PTPN13: variants seen among roughly 807,000 people sequenced by gnomAD.
PTPN13 encodes protein tyrosine phosphatase non-receptor type 13.
In PTPN13, 191 loss-of-function variants were observed where a neutral mutation model predicts 284.0. That is an observed-to-expected ratio of 0.67 (90% CI 0.60 to 0.76). The LOEUF (loss-of-function observed/expected upper bound fraction) is 0.76, where lower values mean the gene tolerates loss of function less well. Among genes scored for constraint, PTPN13 ranks in the 30% least tolerant of loss-of-function variants. The pLI, the probability that PTPN13 is intolerant of heterozygous loss-of-function variation, is 0.00. For synonymous variants in PTPN13, 986 were observed against 1,022.3 expected, an observed-to-expected ratio of 0.96 and a Z score of 0.68; for missense variants, 2,797 against 2,939.9, an observed-to-expected ratio of 0.95 and a Z score of 1.12.
intron 14 of PTPN13, among the ~76,000 whole-genome samples, chr4:86,735,109 C>T (rs776580672): frequency 8.6e-5 from 13 of 152,028 alleles, no homozygotes; most frequent in Non-Finnish European, 1.6e-4. Context: ...GGAATATCTA[C>T]CACTTACTCC....
At chr4:86,774,188 G>C (rs1014696645) in intron 32 of PTPN13, among the ~76,000 whole-genome samples, 185 bp from the exon 33 acceptor site, 2 of 152,006 alleles carry the variant, frequency 1.3e-5, no homozygotes, top group Non-Finnish European at 2.9e-5. Flanking sequence ...TGCAGTGGGG[G>C]GACAGTCTGT....
chr4:86,612,020 A>G (rs1719951820), intron 1 of PTPN13, among the ~76,000 whole-genome samples: 1 of 152,240 alleles, frequency 6.6e-6, no homozygotes, highest in Non-Finnish European at 1.5e-5. Flanking sequence ...TGGGTAGAGC[A>G]CACAGAAGAA....
In PTPN13 at chr4:86,767,956, A is replaced by C; in HGVS notation, c.4469A>C (p.Asp1490Ala). The stretch of plus-strand genomic sequence containing the variant: ...GTGAAGAAAACAACTCAGGTCAAAG[A>C]CTACAGCTTTGTCACTGAAGGTCAG... Reference protein sequence around the residue: ...EKVKKTTQVKDYSFVTEENTF... With the variant: ...EKVKKTTQVKAYSFVTEENTF... Residue 1490 changes from aspartate (D) to alanine (A), a missense_variant, in exon 28 of 48, where the codon GAC becomes GCC. By Grantham distance (126) the Asp-to-Ala change is moderately radical. Coordinates refer to ENST00000411767, the MANE Select transcript of PTPN13 (RefSeq NM_080683.3). 6.2e-7 allele frequency: 1 copy of C among 1,611,050 alleles called. No homozygotes were observed. Among genetic ancestry groups the C allele is most frequent in the Non-Finnish European group, 8.5e-7 (1 of 1,178,902 alleles).
intron 4 of PTPN13, among the ~76,000 whole-genome samples, chr4:86,687,212 A>T (rs1474738021): frequency 6.6e-6 from 1 of 152,186 alleles, no homozygotes. Flanking sequence ...AGAGTGTTGT[A>T]TTAGAGAATG....
intron 1 of PTPN13, among the ~76,000 whole-genome samples, chr4:86,618,426 A>C (rs1475878779): frequency 6.6e-6 from 1 of 152,154 alleles, no homozygotes; most frequent in Non-Finnish European, 1.5e-5. Flanking sequence ...TTTTGGTTCC[A>C]TATGAACTTT....
intron 2 of PTPN13, among the ~76,000 whole-genome samples, chr4:86,655,604 G>A (rs1725698098): frequency 6.6e-6 from 1 of 152,196 alleles, no homozygotes; most frequent in South Asian, 2.1e-4. Flanking sequence ...TTTCTGCTGA[G>A]AGATCAGCTG....
chr4:86,757,145 A>T (rs1305510796), intron 20 of PTPN13, among the ~76,000 whole-genome samples: 1 of 150,450 alleles, frequency 6.6e-6, no homozygotes, highest in Non-Finnish European at 1.5e-5. Context: ...TAAGTGTCAT[A>T]TTTATTGGTT....
intron 3 of PTPN13, among the ~76,000 whole-genome samples, chr4:86,676,399 GTGT>G (rs1728278000): frequency 6.6e-6 from 1 of 152,224 alleles, no homozygotes; most frequent in Non-Finnish European, 1.5e-5. Flanking sequence ...GAACCCTTGT[GTGT>G]TGTTGGTGAG....
intron 7 of PTPN13, among the ~76,000 whole-genome samples, chr4:86,711,420 G>A (rs1388388724): frequency 6.6e-6 from 1 of 151,872 alleles, no homozygotes; most frequent in Non-Finnish European, 1.5e-5. Context: ...TAAGTTTTAT[G>A]TGTTTATGTA....
At chr4:86,699,175 C>G (rs1578439725) in intron 6 of PTPN13, among the ~76,000 whole-genome samples, 1 of 152,044 alleles carries the variant, frequency 6.6e-6, no homozygotes, top group African/African-American at 2.4e-5. Flanking sequence ...ATCACGAGGT[C>G]AGGAGATCAA....
intron 3 of PTPN13, among the ~76,000 whole-genome samples, chr4:86,680,307 G>C (rs1056579814): frequency 3.9e-5 from 6 of 151,906 alleles, no homozygotes; most frequent in African/African-American, 1.5e-4. Context: ...GAGCTTCCTT[G>C]ACTCTCATCT....
intron 1 of PTPN13, among the ~76,000 whole-genome samples, chr4:86,619,194 G>A (rs1720939205): frequency 6.6e-6 from 1 of 152,166 alleles, no homozygotes; most frequent in Admixed American, 6.5e-5. Context: ...TCAACCTTAT[G>A]TATGGTGTTC....
chr4:86,799,875 G>A lies in PTPN13; in HGVS notation c.6505+671G>A, dbSNP rs181621300. Among the ~76,000 whole-genome samples the A allele has an allele frequency of 3.5e-3, 419 of 121,334 alleles. 1 individual carries two copies. Among genetic ancestry groups the A allele is most frequent in the African/African-American group, 0.013 (401 of 31,002 alleles). The allele number at this position is 121,334 out of a possible 152,430, so 79.6% of individuals were successfully genotyped here. A position where few individuals can be genotyped will look rare whatever the true frequency, so the allele number is the denominator to read the frequency against. On this transcript the variant is annotated intron_variant, in intron 42 of 47. Coordinates refer to ENST00000411767, the MANE Select transcript of PTPN13 (RefSeq NM_080683.3). ...TTTTGAGACAGAGTCTCTCTCTGTC[G>A]TCCAGGCTGGAGAATACAGTGGCAC...
At chr4:86,653,148 T>C (rs1725297918) in intron 2 of PTPN13, among the ~76,000 whole-genome samples, 1 of 152,134 alleles carries the variant, frequency 6.6e-6, no homozygotes, top group African/African-American at 2.4e-5. Context: ...ATTCCTTCTC[T>C]TGTTTTCTTG....
At chr4:86,814,294 C>T (rs896342820) in intron 47 of PTPN13, among the ~76,000 whole-genome samples, 162 bp from the exon 48 acceptor site, 5 of 151,722 alleles carry the variant, frequency 3.3e-5, no homozygotes, top group East Asian at 1.9e-4. Context: ...TGTGAGCCAC[C>T]GCGCCCAGCC....
At chr4:86,803,282 T>A (rs1744255667) in intron 42 of PTPN13, among the ~76,000 whole-genome samples, 1 of 150,776 alleles carries the variant, frequency 6.6e-6, no homozygotes, top group Non-Finnish European at 1.5e-5. Flanking sequence ...ATATATAAAA[T>A]AAATAAAATA....
Position 86,790,677 on chromosome 4 carries a change from G to A in PTPN13, c.6345+4741G>A, listed in dbSNP as rs77088953. ...CCTTAGAAGGGCTTTGTGGTAGGAA[G>A]AGATGAGTGATTTTGAAGAACTGAA... On this transcript the variant is annotated intron_variant, in intron 40 of 47. Coordinates refer to ENST00000411767, the MANE Select transcript of PTPN13 (RefSeq NM_080683.3). 2.0e-3 allele frequency among the ~76,000 whole-genome samples: 306 copies of A among 152,264 alleles called. 9 individuals are homozygous for A. The East Asian group carries it at 0.057, about 29-fold the overall frequency.
intron 35 of PTPN13, among the ~76,000 whole-genome samples, chr4:86,779,469 A>G (rs1162503402): frequency 6.6e-6 from 1 of 152,138 alleles, no homozygotes; most frequent in Admixed American, 6.5e-5. Context: ...TACACATGCA[A>G]TAGGTTGTAT....
chr4:86,631,996 TACATA>T (rs914122234), intron 1 of PTPN13, among the ~76,000 whole-genome samples: 30 of 152,120 alleles, frequency 2.0e-4, no homozygotes, highest in African/African-American at 6.5e-4. Context: ...TACAATGGGA[TACATA>T]ACATATCATC....
Sources: allele counts gnomAD v4.1 joint callset (sites outside exome capture counted in the v4.1 genomes callset), GRCh38; gene constraint gnomAD v4.1.1; transcripts MANE v1.5; gene names NCBI Gene and HGNC (gene_info 2026-07-23, HGNC 2026-07-21).